KCNH5: variants seen among roughly 807,000 people sequenced by gnomAD.
The protein encoded by KCNH5 is voltage-gated delayed rectifier potassium channel KCNH5.
KCNH5 carries 46 observed loss-of-function variants against 96.1 expected under a neutral mutation model. The ratio of observed to expected loss-of-function variants is 0.48; its 90% confidence interval spans 0.38 to 0.61. The LOEUF is 0.61. Ranked by LOEUF, KCNH5 falls within the 20% of genes least tolerant of loss-of-function variation. KCNH5 has a pLI of 0.00. For missense variants in KCNH5, 907 were observed against 1,225.8 expected (o/e 0.74, Z 3.88); for synonymous variants, 439 against 449.8 (o/e 0.98, Z 0.30).
At chr14:62,710,253 A>G (rs1595588762) in intron 10 of KCNH5, among the ~76,000 whole-genome samples, 1 of 152,232 alleles carries the variant, frequency 6.6e-6, no homozygotes, top group Admixed American at 6.5e-5. Flanking sequence ...GAGTGGTACT[A>G]ATTTGTATTT....
At chr14:62,946,994 G>T (rs536585917) in intron 7 of KCNH5, among the ~76,000 whole-genome samples, 2 of 152,190 alleles carry the variant, frequency 1.3e-5, no homozygotes, top group East Asian at 1.9e-4. Context: ...CTTGATTGCA[G>T]TTGTAATTAA....
At chr14:62,754,116 T>C (rs1885564449) in intron 10 of KCNH5, among the ~76,000 whole-genome samples, 1 of 152,164 alleles carries the variant, frequency 6.6e-6, no homozygotes. Context: ...AGTTAAAATA[T>C]AGAGTTTTTA....
chr14:62,701,511 TG>T lies in KCNH5; in HGVS notation c.*5996del, dbSNP rs1884347630. The T allele has an allele frequency of 6.6e-6, 1 of 152,090 alleles. No individual in the cohort carries two copies. The highest frequency in any genetic ancestry group is 1.5e-5 in the Non-Finnish European group (1 of 67,978). 9.4% of individuals were successfully genotyped at this position (152,090 alleles called of 1,614,324 possible). A position where few individuals can be genotyped will look rare whatever the true frequency, so the allele number is the denominator to read the frequency against. On this transcript the variant is annotated 3_prime_UTR_variant, in exon 11 of 11. Transcript: ENST00000322893. Reference sequence around the variant, plus strand: ...CATTTAAATAATCATGCAGTGGTAATGTAAAAGCCAGGATGGAAGTGAGCTG... The same window carrying T: ...CATTTAAATAATCATGCAGTGGTAATTAAAAGCCAGGATGGAAGTGAGCTG...
intron 10 of KCNH5, among the ~76,000 whole-genome samples, chr14:62,735,343 C>A (rs544297069): frequency 6.6e-6 from 1 of 152,056 alleles, no homozygotes; most frequent in Non-Finnish European, 1.5e-5. Flanking sequence ...GCAAAGCAGG[C>A]AGTGGGGAAC....
At chr14:63,026,516 CAAAT>C (rs34145053) in intron 1 of KCNH5, among the ~76,000 whole-genome samples, 36,159 of 151,598 alleles carry the variant, frequency 0.24, 5,444 homozygotes, top group East Asian at 0.51. Flanking sequence ...AGTAAGAAAA[CAAAT>C]AACCAGATTA....
At chr14:62,977,894 G>A (rs560291492) in intron 6 of KCNH5, among the ~76,000 whole-genome samples, 4 of 152,320 alleles carry the variant, frequency 2.6e-5, no homozygotes, top group African/African-American at 7.2e-5. Flanking sequence ...ACCTGTGAAA[G>A]AGGGAAGGAA....
chr14:62,741,932 G>T (rs1486158730), intron 10 of KCNH5, among the ~76,000 whole-genome samples: 2 of 152,114 alleles, frequency 1.3e-5, no homozygotes, highest in Non-Finnish European at 2.9e-5. Context: ...AAGATTACTG[G>T]TATCAAAGTA....
At chr14:62,708,672 CTACT>C (rs1566634438) in intron 10 of KCNH5, among the ~76,000 whole-genome samples, 3 of 152,060 alleles carry the variant, frequency 2.0e-5, no homozygotes, top group Admixed American at 1.3e-4. Context: ...GAAATGTTGG[CTACT>C]TACTTACTTA....
chr14:63,003,624 A>T (rs57728985), intron 3 of KCNH5, among the ~76,000 whole-genome samples: 15,945 of 92,452 alleles, frequency 0.17, 1,905 homozygotes, highest in African/African-American at 0.32. Flanking sequence ...ATATATATAT[A>T]TTTTTTTTTT....
In KCNH5 at chr14:62,707,279, T is replaced by C. The variant is rs191293297; in HGVS notation, c.*229A>G. On this transcript the variant is annotated 3_prime_UTR_variant, in exon 11 of 11. Coordinates refer to ENST00000322893, the MANE Select transcript of KCNH5 (RefSeq NM_139318.5). ...TTATAGAATAGAGATTATAAATAAA[T>C]GTAAAGTGTGCATGCAGTCAACTGC... 1.9e-4 allele frequency: 50 copies of C among 263,506 alleles called. 1 individual carries two copies. The East Asian group carries it at 3.1e-3, about 17-fold the overall frequency. 16.3% of individuals were successfully genotyped at this position (263,506 alleles called of 1,614,324 possible).
At chr14:62,794,133 G>A (rs2139991768) in intron 9 of KCNH5, among the ~76,000 whole-genome samples, 1 of 152,050 alleles carries the variant, frequency 6.6e-6, no homozygotes, top group South Asian at 2.1e-4. Flanking sequence ...AGTATTTATA[G>A]ATACTTAGTA....
At position 62,779,789 on chromosome 14, in the gene KCNH5, T is replaced by A; in HGVS notation, c.1958A>T (p.Tyr653Phe). 1 of 1,614,040 alleles carries A rather than the reference T, an allele frequency of 6.2e-7. No homozygotes were observed. The highest frequency in any genetic ancestry group is 8.5e-7 in the Non-Finnish European group (1 of 1,179,930). ...TGAGAAGGAGTTTGCAAAAGCTGTA[T>A]AAAAGTCCAGGACTTTGAGCAAGGC... Reference protein sequence around the residue: ...REALLKVLDFYTAFANSFSRN... With the variant: ...REALLKVLDFFTAFANSFSRN... Residue 653 changes from tyrosine (Y) to phenylalanine (F), a missense_variant, in exon 10 of 11, where the codon TAT becomes TTT. Around this residue, in one of 6 missense-constraint regions of KCNH5, gnomAD observed 57 missense variants for 76.0 expected, o/e 0.75. Transcript: ENST00000322893.
intron 7 of KCNH5, among the ~76,000 whole-genome samples, chr14:62,859,593 T>C (rs1029480434): frequency 6.6e-6 from 1 of 152,222 alleles, no homozygotes; most frequent in Non-Finnish European, 1.5e-5. Flanking sequence ...AACATGCTTC[T>C]TTCAAGTCCC....
intron 7 of KCNH5, among the ~76,000 whole-genome samples, chr14:62,859,065 G>T (rs1887983693): frequency 1.3e-5 from 2 of 152,178 alleles, no homozygotes; most frequent in East Asian, 3.9e-4. Context: ...TGAGTCCATG[G>T]ATGGTAGTTT....
chr14:63,022,724 T>C (rs1305922347), intron 1 of KCNH5, among the ~76,000 whole-genome samples: 1 of 152,134 alleles, frequency 6.6e-6, no homozygotes, highest in Admixed American at 6.6e-5. Flanking sequence ...CTAAATACCA[T>C]TCCTTTCCCT....
At chr14:62,830,114 TA>T (rs1442759791) in intron 8 of KCNH5, among the ~76,000 whole-genome samples, 1 of 152,222 alleles carries the variant, frequency 6.6e-6, no homozygotes, top group Non-Finnish European at 1.5e-5. Flanking sequence ...AAGTGACCTT[TA>T]CTCCAGTTCC....
chr14:62,712,306 A>G (rs1341177027), intron 10 of KCNH5: 1 of 202,708 alleles, frequency 4.9e-6, no homozygotes, highest in East Asian at 1.1e-4. Flanking sequence ...AAATAATGGC[A>G]TTGTAAAATG....
At chr14:62,796,740 A>T (rs1886550408) in intron 9 of KCNH5, among the ~76,000 whole-genome samples, 1 of 152,170 alleles carries the variant, frequency 6.6e-6, no homozygotes, top group South Asian at 2.1e-4. Context: ...GCCCAACATG[A>T]TCGGGACACA....
At chr14:62,910,707 C>G (rs912581111) in intron 7 of KCNH5, among the ~76,000 whole-genome samples, 3 of 152,174 alleles carry the variant, frequency 2.0e-5, no homozygotes, top group East Asian at 1.9e-4. Context: ...TCTCACGACT[C>G]TAACCATGCT....
Sources: gnomAD v4.1 joint callset for allele counts (sites outside exome capture counted in the v4.1 genomes callset) on GRCh38, gnomAD v4.1.1 for gene constraint, gnomAD v4.1.1 regional missense constraint, MANE v1.5 for transcripts, NCBI Gene and HGNC (gene_info 2026-07-23, HGNC 2026-07-21) for gene names.